Variants in SMAD2 observed in about 807,000 individuals in gnomAD.
SMAD2 encodes MAD homolog 2.
A neutral mutation model predicts 64.4 loss-of-function variants in SMAD2; 8 were observed. The ratio of observed to expected loss-of-function variants is 0.12; its 90% CI spans 0.07 to 0.22. SMAD2 has a LOEUF of 0.22. Among genes scored for constraint, SMAD2 ranks in the 10% least tolerant of loss-of-function variants. The pLI is 1.00. For missense variants in SMAD2, 289 were observed against 561.2 expected, an observed-to-expected ratio of 0.51 and a Z score of 4.90; for synonymous variants, 203 against 195.8, an observed-to-expected ratio of 1.04 and a Z score of -0.31.
intron 6 of SMAD2, among the ~76,000 whole-genome samples, 184 bp from the exon 7 acceptor site, chr18:47,851,511 G>T (rs35710478): frequency 1.2e-4 from 16 of 139,030 alleles, no homozygotes; most frequent in South Asian, 2.6e-4. Flanking sequence ...GGAAGAGAAG[G>T]GGGGGTTCCA....
rs532728890 is a variant in SMAD2, at chr18:47,922,131, G to A, written c.-54+8230C>T. ...GCAAAAGTAGATTGCACTTTTAAAA[G>A]GTATGGAGGGAAGAGAAATTTCAAA... On this transcript the variant is annotated intron_variant, in intron 1 of 10. Transcript: ENST00000262160. Among the ~76,000 whole-genome samples, 5 of 152,254 alleles carry A rather than the reference G, an allele frequency of 3.3e-5. No homozygotes were observed. In the East Asian group the frequency reaches 7.7e-4, roughly 24 times the overall value.
intron 6 of SMAD2, 61 bp from the exon 7 acceptor site, chr18:47,851,388 T>C: frequency 1.9e-6 from 2 of 1,054,118 alleles, no homozygotes; most frequent in Admixed American, 1.7e-5. Context: ...CAAGTAATCA[T>C]AAAACTAGCT....
At chr18:47,873,502 A>G (rs1489664413) in intron 2 of SMAD2, among the ~76,000 whole-genome samples, 2 of 152,204 alleles carry the variant, frequency 1.3e-5, no homozygotes, top group African/African-American at 4.8e-5. Flanking sequence ...AAATTCTAAC[A>G]AATAGTAAAG....
intron 6 of SMAD2, among the ~76,000 whole-genome samples, chr18:47,863,471 G>A (rs1043703622): frequency 4.6e-5 from 7 of 152,198 alleles, no homozygotes; most frequent in East Asian, 3.9e-4. Context: ...CATACATAAC[G>A]AATACTTGTA....
At chr18:47,898,224 A>C (rs1317046874) in intron 1 of SMAD2, among the ~76,000 whole-genome samples, 1 of 152,218 alleles carries the variant, frequency 6.6e-6, no homozygotes, top group Non-Finnish European at 1.5e-5. Context: ...ATTGCTGGTG[A>C]AAAGGTCAAA....
At chr18:47,891,520 T>TTC (rs1383026146) in intron 2 of SMAD2, among the ~76,000 whole-genome samples, 1 of 151,226 alleles carries the variant, frequency 6.6e-6, no homozygotes, top group Non-Finnish European at 1.5e-5. Flanking sequence ...TAAGTAACTT[T>TTC]TTTTTTTTTT....
chr18:47,876,463 G>A (rs1241342281), intron 2 of SMAD2, among the ~76,000 whole-genome samples: 1 of 152,004 alleles, frequency 6.6e-6, no homozygotes, highest in East Asian at 1.9e-4. Flanking sequence ...GCATGGAACA[G>A]TTTCTTAAAG....
intron 2 of SMAD2, among the ~76,000 whole-genome samples, chr18:47,886,529 T>C (rs559847828): frequency 5.9e-5 from 9 of 152,036 alleles, no homozygotes; most frequent in South Asian, 2.1e-4. Flanking sequence ...CCAAACCCCG[T>C]TGTCCTAGCA....
At chr18:47,857,842 G>A (rs2030849717) in intron 6 of SMAD2, among the ~76,000 whole-genome samples, 1 of 152,204 alleles carries the variant, frequency 6.6e-6, no homozygotes, top group Admixed American at 6.5e-5. Context: ...CTGAGTACAT[G>A]TTAGCATAGG....
At chr18:47,874,614 T>A (rs570221706) in intron 2 of SMAD2, among the ~76,000 whole-genome samples, 1 of 152,010 alleles carries the variant, frequency 6.6e-6, no homozygotes, top group Non-Finnish European at 1.5e-5. Context: ...AAAAAATTCA[T>A]AGAACAATTT....
chr18:47,893,565 TA>T (rs1258325912), intron 2 of SMAD2, among the ~76,000 whole-genome samples: 1 of 152,240 alleles, frequency 6.6e-6, no homozygotes, highest in Non-Finnish European at 1.5e-5. Context: ...ACATTTTGAA[TA>T]ATTCTGTTTA....
rs1354506431 is a variant in SMAD2, at chr18:47,832,471, A to C, written c.*9356T>G. 1 of 152,208 alleles carries C rather than the reference A, an allele frequency of 6.6e-6. No homozygotes were observed. Among genetic ancestry groups the C allele is most frequent in the African/African-American group, 2.4e-5 (1 of 41,442 alleles). 9.4% of individuals were successfully genotyped at this position (152,208 alleles called of 1,614,324 possible). On this transcript the variant is annotated 3_prime_UTR_variant, in exon 11 of 11. Transcript: ENST00000262160. ...CCCAAGGCTATTCAATGCCACGTAA[A>C]ATAGTGTATTTTAGCATTTGAGGTC...
chr18:47,891,174 G>A (rs565316696), intron 2 of SMAD2, among the ~76,000 whole-genome samples: 19 of 152,184 alleles, frequency 1.2e-4, no homozygotes, highest in Non-Finnish European at 2.2e-4. Flanking sequence ...GCATGGTGGC[G>A]CATGCCTATA....
intron 1 of SMAD2, among the ~76,000 whole-genome samples, chr18:47,916,410 ATTTTGTTTTG>A (rs540473126): frequency 1.2e-3 from 165 of 135,496 alleles, no homozygotes; most frequent in African/African-American, 3.9e-3. Context: ...TTATTTATTT[ATTTTGTTTTG>A]TTTTGTTTTG....
intron 2 of SMAD2, among the ~76,000 whole-genome samples, chr18:47,894,502 C>A (rs1478855817): frequency 1.3e-5 from 2 of 152,154 alleles, no homozygotes; most frequent in African/African-American, 4.8e-5. Context: ...TCTAAGGATA[C>A]CCAACTTGTT....
chr18:47,855,491 G>A (rs1379707202), intron 6 of SMAD2, among the ~76,000 whole-genome samples: 1 of 152,158 alleles, frequency 6.6e-6, no homozygotes, highest in Non-Finnish European at 1.5e-5. Flanking sequence ...ATAAATGAGT[G>A]TGCCTGTTGC....
Position 47,894,520 on chromosome 18 carries a change from C to T in SMAD2, c.236+2001G>A, listed in dbSNP as rs375139132. 6.6e-5 allele frequency among the ~76,000 whole-genome samples: 10 copies of T among 152,238 alleles called. No homozygotes were observed. The South Asian group carries it at 1.9e-3, about 28-fold the overall frequency. ...AAGGATACCCAACTTGTTTGGAACG[C>T]TTCACCAATCCTCCCCCACCTCCCA... is the stretch of plus-strand genomic sequence containing the variant. On this transcript the variant is annotated intron_variant, in intron 2 of 10. Transcript: ENST00000262160.
chr18:47,923,049 CTACT>C (rs2034625988), intron 1 of SMAD2, among the ~76,000 whole-genome samples: 1 of 110,910 alleles, frequency 9.0e-6, no homozygotes, highest in Non-Finnish European at 1.7e-5. Flanking sequence ...TGTAAAGAGA[CTACT>C]TATTTTTTTT....
intron 6 of SMAD2, among the ~76,000 whole-genome samples, chr18:47,861,213 G>A (rs8099681): frequency 0.54 from 81,309 of 151,810 alleles, 22,384 homozygotes; most frequent in East Asian, 0.83. Flanking sequence ...AAAATAAGCT[G>A]GGCGTGGTAG....
Sources: gnomAD v4.1 joint callset for allele counts (sites outside exome capture counted in the v4.1 genomes callset) on GRCh38, gnomAD v4.1.1 for gene constraint, MANE v1.5 for transcripts, NCBI Gene and HGNC (gene_info 2026-07-23, HGNC 2026-07-21) for gene names.